GTF3C3: variants seen among roughly 807,000 people sequenced by gnomAD.
The protein encoded by GTF3C3 is general transcription factor IIIC subunit 3.
In GTF3C3, 75 loss-of-function variants were observed where a neutral mutation model predicts 105.2. The observed-to-expected ratio is 0.71, with a 90% CI of 0.59 to 0.86. The LOEUF is 0.86. GTF3C3 is among the 40% of genes least tolerant of loss of function. The pLI, the probability that GTF3C3 is intolerant of heterozygous loss-of-function variation, is 0.00. For missense variants in GTF3C3, 856 were observed against 1,076.5 expected (o/e 0.80, Z 2.87); for synonymous variants, 335 against 370.4 (o/e 0.90, Z 1.10).
intron 16 of GTF3C3, among the ~76,000 whole-genome samples, chr2:196,769,669 G>T (rs568425870): frequency 2.0e-5 from 3 of 152,152 alleles, no homozygotes; most frequent in African/African-American, 7.2e-5. Context: ...CATTCCTCCA[G>T]ATTCTGCCTG....
intron 13 of GTF3C3, among the ~76,000 whole-genome samples, chr2:196,774,617 A>C (rs931580946): frequency 2.6e-5 from 4 of 152,222 alleles, no homozygotes; most frequent in African/African-American, 2.4e-5. Context: ...CAGGGAGAAA[A>C]ATACAACATA....
chr2:196,794,495 C>T (rs1164490510), intron 2 of GTF3C3, among the ~76,000 whole-genome samples: 1 of 152,016 alleles, frequency 6.6e-6, no homozygotes, highest in African/African-American at 2.4e-5. Flanking sequence ...AGTGCAATGG[C>T]GCAATCTCAG....
chr2:196,770,582 G>A (rs1039432279), intron 15 of GTF3C3, among the ~76,000 whole-genome samples: 2 of 152,158 alleles, frequency 1.3e-5, no homozygotes, highest in African/African-American at 4.8e-5. Context: ...AGAATTTGGA[G>A]TTTTATGAAT....
At chr2:196,779,432 G>C (rs533085741) in intron 9 of GTF3C3, among the ~76,000 whole-genome samples, 1 of 152,198 alleles carries the variant, frequency 6.6e-6, no homozygotes, top group South Asian at 2.1e-4. Context: ...GTTATAAGAG[G>C]CAAGCTGAAA....
At chr2:196,771,553 C>G (rs191840063) in intron 15 of GTF3C3, among the ~76,000 whole-genome samples, 195 bp downstream of exon 15, 2 of 152,268 alleles carry the variant, frequency 1.3e-5, no homozygotes, top group Admixed American at 1.3e-4. Context: ...TATATTGATT[C>G]ATTTAATTTT....
At chr2:196,767,814 G>A (rs570270968) in intron 16 of GTF3C3, among the ~76,000 whole-genome samples, 5 of 152,286 alleles carry the variant, frequency 3.3e-5, no homozygotes, top group African/African-American at 7.2e-5. Flanking sequence ...CAGATGAATT[G>A]TTGTAATGCA....
intron 8 of GTF3C3, among the ~76,000 whole-genome samples, chr2:196,782,735 T>C (rs1374148649): frequency 6.6e-6 from 1 of 152,172 alleles, no homozygotes; most frequent in African/African-American, 2.4e-5. Flanking sequence ...GCAGTGCTAC[T>C]CAAACTAGTC....
chr2:196,796,503 T>C (rs1045957950), intron 2 of GTF3C3, among the ~76,000 whole-genome samples: 5 of 152,192 alleles, frequency 3.3e-5, no homozygotes, highest in Non-Finnish European at 7.4e-5. Flanking sequence ...GTCAGCTGCC[T>C]TTTTTTCTTC....
intron 17 of GTF3C3, among the ~76,000 whole-genome samples, chr2:196,765,618 CATAT>C (rs999795902): frequency 2.0e-5 from 3 of 147,286 alleles, no homozygotes; most frequent in Admixed American, 1.3e-4. Context: ...GTATGAAATA[CATAT>C]ATAAATATGT....
In GTF3C3 at chr2:196,776,152, C is replaced by T. The variant is rs1559299639; in HGVS notation, c.1594-41G>A. The T allele has an allele frequency of 9.6e-7, 1 of 1,043,036 alleles. No individual in the cohort carries two copies. The highest frequency in any genetic ancestry group is 2.4e-5 in the East Asian group (1 of 40,828). The allele number at this position is 1,043,036 out of a possible 1,614,324, so 64.6% of individuals were successfully genotyped here. A position where few individuals can be genotyped will look rare whatever the true frequency, so the allele number is the denominator to read the frequency against. ...CATGATGATGAGCCTAACAAGATTC[C>T]TTTTCTACAAATTGTTTTATTTGCA... On this transcript the variant is annotated intron_variant, in intron 11 of 17. Coordinates refer to ENST00000263956, the MANE Select transcript of GTF3C3 (RefSeq NM_012086.5). The surrounding 1 kb of genome is among the most constrained non-coding windows in gnomAD (Gnocchi z 4.5).
In GTF3C3 at chr2:196,772,908, G is replaced by A; in HGVS notation, c.2069+8C>T. 1 of 1,278,682 alleles carries A rather than the reference G, an allele frequency of 7.8e-7. No homozygotes were observed. Among genetic ancestry groups the A allele is most frequent in the Non-Finnish European group, 1.1e-6 (1 of 915,178 alleles). The allele number at this position is 1,278,682 out of a possible 1,614,324, so 79.2% of individuals were successfully genotyped here. On this transcript the variant is annotated splice_region_variant and intron_variant, in intron 14 of 17. Coordinates refer to ENST00000263956, the MANE Select transcript of GTF3C3 (RefSeq NM_012086.5). ...GAATCTAATTAAAATAAATAACTGG[G>A]AAATCACCTGATATAGTTGTATGCC...
At chr2:196,798,498 T>C (rs1287453336) in intron 1 of GTF3C3, among the ~76,000 whole-genome samples, 1 of 151,928 alleles carries the variant, frequency 6.6e-6, no homozygotes, top group Non-Finnish European at 1.5e-5. Flanking sequence ...CACTCCAGCA[T>C]GGGTGACAGA....
chr2:196,798,722 C>T (rs751784649), intron 1 of GTF3C3, among the ~76,000 whole-genome samples: 14 of 151,610 alleles, frequency 9.2e-5, no homozygotes, highest in Non-Finnish European at 1.6e-4. Flanking sequence ...ATTAGCCGGG[C>T]ATGGTGGCAG....
intron 10 of GTF3C3, chr2:196,778,096 A>G (rs866332585): frequency 6.6e-6 from 1 of 152,216 alleles, no homozygotes; most frequent in Non-Finnish European, 1.5e-5. Flanking sequence ...ATGCCAATCA[A>G]TGCTTCTCTA....
intron 6 of GTF3C3, among the ~76,000 whole-genome samples, chr2:196,787,056 A>C (rs937820226): frequency 6.6e-6 from 1 of 152,058 alleles, no homozygotes; most frequent in African/African-American, 2.4e-5. Context: ...CTAAACATTG[A>C]AGTGCCTTAG....
intron 8 of GTF3C3, 170 bp from the exon 9 acceptor site, chr2:196,780,832 C>CATACTTGCTACCA: frequency 2.9e-6 from 2 of 696,690 alleles, no homozygotes; most frequent in Non-Finnish European, 4.3e-6. Flanking sequence ...CCTTTGGTAG[C>CATACTTGCTACCA]AAGTATGCTT....
intron 1 of GTF3C3, 137 bp downstream of exon 1, chr2:196,799,373 T>C: frequency 1.5e-6 from 1 of 650,318 alleles, no homozygotes. Flanking sequence ...AAAACCGGAG[T>C]TTCTGTAAGA....
At chr2:196,785,222 T>TACGG (rs145247497) in intron 7 of GTF3C3, among the ~76,000 whole-genome samples, 28 of 151,942 alleles carry the variant, frequency 1.8e-4, no homozygotes, top group African/African-American at 6.5e-4. Context: ...TACCCTGAAG[T>TACGG]ACATACTTAG....
In GTF3C3 at chr2:196,780,642, T is replaced by C. The variant is rs772253636; in HGVS notation, c.1135A>G (p.Thr379Ala). ...TCTATTGGCACGCCATCAGGTATAG[T>C]GCAGGTAACATTCTCAGGAGCTGGA... The part of the protein sequence containing the change: ...ENKAPENVTC[T>A]IPDGVPIDIT... Residue 379 changes from threonine to alanine, a missense_variant, in exon 9 of 18, where the codon ACT (threonine) becomes GCT (alanine). Thr to Ala is a moderately conservative substitution (Grantham distance 58, BLOSUM62 0). Coordinates refer to ENST00000263956, the MANE Select transcript of GTF3C3 (RefSeq NM_012086.5). 4.7e-5 allele frequency: 75 copies of C among 1,612,454 alleles called. No individual in the cohort carries two copies. Among genetic ancestry groups the C allele is most frequent in the Non-Finnish European group, 5.9e-5 (70 of 1,178,966 alleles).
Sources: allele counts gnomAD v4.1 joint callset (sites outside exome capture counted in the v4.1 genomes callset), GRCh38; gene constraint gnomAD v4.1.1; non-coding constraint Gnocchi (gnomAD v3.1); transcripts MANE v1.5; gene names NCBI Gene and HGNC (gene_info 2026-07-23, HGNC 2026-07-21).